The following RERE variants were observed in gnomAD, a reference collection of about 807,000 sequenced individuals.
The protein encoded by RERE is arginine-glutamic acid dipeptide repeats protein.
In RERE, 40 loss-of-function variants were observed where a neutral mutation model predicts 146.1. The observed-to-expected ratio is 0.27, with a 90% CI of 0.21 to 0.36. The LOEUF is 0.36. Among genes scored for constraint, RERE ranks in the 10% least tolerant of loss-of-function variants. The pLI, the probability that RERE is intolerant of heterozygous loss-of-function variation, is 1.00. For missense variants in RERE, 1,933 were observed against 2,138.7 expected, an observed-to-expected ratio of 0.90 and a Z score of 1.90; for synonymous variants, 1,003 against 866.0, an observed-to-expected ratio of 1.16 and a Z score of -2.78.
intron 12 of RERE, among the ~76,000 whole-genome samples, chr1:8,403,602 G>A (rs1463622300): frequency 6.6e-6 from 1 of 151,698 alleles, no homozygotes; most frequent in Non-Finnish European, 1.5e-5. Context: ...CTGACCTCAA[G>A]TGATCCTCTG....
intron 12 of RERE, among the ~76,000 whole-genome samples, chr1:8,404,387 C>T (rs1374637608): frequency 6.6e-6 from 1 of 151,954 alleles, no homozygotes; most frequent in Non-Finnish European, 1.5e-5. Flanking sequence ...CACTACACTC[C>T]TGCCTCGGCG....
chr1:8,642,300 A>C (rs1198768127), intron 2 of RERE, among the ~76,000 whole-genome samples: 1 of 152,170 alleles, frequency 6.6e-6, no homozygotes, highest in South Asian at 2.1e-4. Context: ...TGAAAAGACA[A>C]AGGCACAGAG....
intron 2 of RERE, among the ~76,000 whole-genome samples, chr1:8,637,207 A>G (rs1175054703): frequency 6.6e-6 from 1 of 152,164 alleles, no homozygotes; most frequent in South Asian, 2.1e-4. Flanking sequence ...AGCAGCAGAC[A>G]AAGTCACAAC....
chr1:8,708,078 C>T (rs1243026862), intron 1 of RERE, among the ~76,000 whole-genome samples: 1 of 152,064 alleles, frequency 6.6e-6, no homozygotes, highest in Non-Finnish European at 1.5e-5. Flanking sequence ...CCCACGGGGG[C>T]CTTGGAACAC....
chr1:8,445,965 G>A (rs936625392), intron 11 of RERE, among the ~76,000 whole-genome samples: 1 of 152,066 alleles, frequency 6.6e-6, no homozygotes, highest in Non-Finnish European at 1.5e-5. Context: ...AGTGTCGACG[G>A]TCTTTACAAT....
intron 4 of RERE, among the ~76,000 whole-genome samples, chr1:8,582,620 G>T (rs1018895231): frequency 2.0e-5 from 3 of 152,072 alleles, no homozygotes; most frequent in Non-Finnish European, 4.4e-5. Flanking sequence ...TACTGGGGAG[G>T]CTGAAGCAGG....
intron 1 of RERE, among the ~76,000 whole-genome samples, chr1:8,706,311 T>C (rs1370316974): frequency 2.2e-4 from 34 of 151,914 alleles, no homozygotes; most frequent in Admixed American, 2.2e-3. Context: ...ATAAAAAGTC[T>C]AGTAAAAAGG....
chr1:8,462,766 G>A (rs1460960528), intron 11 of RERE, among the ~76,000 whole-genome samples: 1 of 152,174 alleles, frequency 6.6e-6, no homozygotes, highest in Non-Finnish European at 1.5e-5. Flanking sequence ...AAGTAGCCAG[G>A]CATTGTGGCT....
chr1:8,500,915 G>A (rs1289171087), intron 8 of RERE, among the ~76,000 whole-genome samples: 1 of 151,344 alleles, frequency 6.6e-6, no homozygotes, highest in African/African-American at 2.4e-5. Flanking sequence ...TCTGAGAAGT[G>A]AGGAAACCCT....
chr1:8,452,523 CAAT>C (rs71580027), intron 11 of RERE, among the ~76,000 whole-genome samples: 19,818 of 152,000 alleles, frequency 0.13, 1,838 homozygotes, highest in Non-Finnish European at 0.19. Context: ...ACACAGAAAT[CAAT>C]AATGTTTTTT....
intron 7 of RERE, among the ~76,000 whole-genome samples, chr1:8,516,578 G>T (rs549130851): frequency 1.3e-5 from 2 of 152,114 alleles, no homozygotes; most frequent in Non-Finnish European, 2.9e-5. Flanking sequence ...GAGACGTTAC[G>T]CAGTTGCCCA....
rs778056015 is a variant in RERE at position 8,364,222 on chromosome 1, T to C, written c.1574A>G (p.Asn525Ser). Residue 525 changes from asparagine (N) to serine (S), a missense_variant, in exon 15 of 23, where the codon AAC (asparagine) becomes AGC (serine). Physicochemically the swap from Asn to Ser is conservative, Grantham distance 46. This residue lies in a region of RERE where 260 missense variants were observed against 378.4 expected (regional missense o/e 0.69). Transcript: ENST00000400908. The surrounding 1 kb of genome is among the most constrained non-coding windows in gnomAD (Gnocchi z 5.1). ...GCGACAGTCGGTGCAAAGCAGGATG[T>C]TCTCCCGGCCTCCGTGGTGCCAATC... ...SKDWHHGGRE[N>S]ILLCTDCRIH... The C allele has an allele frequency of 6.2e-7, 1 of 1,614,174 alleles. No individual in the cohort carries two copies. Among genetic ancestry groups the C allele is most frequent in the South Asian group, 1.1e-5 (1 of 91,074 alleles).
intron 4 of RERE, among the ~76,000 whole-genome samples, chr1:8,568,829 A>G (rs1557690628): frequency 6.6e-6 from 1 of 152,186 alleles, no homozygotes; most frequent in Non-Finnish European, 1.5e-5. Flanking sequence ...ATCCCCTCTC[A>G]TCTGTCTGTC....
chr1:8,813,792 T>G (rs1641860178), intron 1 of RERE, among the ~76,000 whole-genome samples: 1 of 152,044 alleles, frequency 6.6e-6, no homozygotes, highest in Non-Finnish European at 1.5e-5. Flanking sequence ...TTTTTGTATT[T>G]TTAGTAGAGA....
At chr1:8,362,617 A>G (rs1641628357) in intron 16 of RERE, 66 bp downstream of exon 16, 10 of 1,601,374 alleles carry the variant, frequency 6.2e-6, no homozygotes, top group Non-Finnish European at 7.7e-6. Flanking sequence ...GATCACGAAT[A>G]CCAGCAAACC....
chr1:8,388,853 G>A (rs879511663), intron 12 of RERE, among the ~76,000 whole-genome samples: 7 of 152,152 alleles, frequency 4.6e-5, no homozygotes, highest in African/African-American at 1.4e-4. Flanking sequence ...GCTAGGTAAG[G>A]GGTTTAATGA....
chr1:8,497,628 G>A, intron 8 of RERE, 99 bp from the exon 9 acceptor site: 3 of 1,338,918 alleles, frequency 2.2e-6, no homozygotes, highest in Non-Finnish European at 3.1e-6. Context: ...ATGTTTTACT[G>A]AGACTCTTTC....
chr1:8,386,445 A>G (rs1475771355), intron 12 of RERE, among the ~76,000 whole-genome samples: 1 of 151,378 alleles, frequency 6.6e-6, no homozygotes, highest in Non-Finnish European at 1.5e-5. Flanking sequence ...AGCCACACAA[A>G]TAAGGGTTTC....
intron 1 of RERE, among the ~76,000 whole-genome samples, chr1:8,800,147 TTTC>T (rs1641559518): frequency 1.3e-5 from 2 of 152,020 alleles, no homozygotes; most frequent in Admixed American, 6.6e-5. Flanking sequence ...GCCCAAGATA[TTTC>T]TTCTTCTCCC....
Sources: allele counts gnomAD v4.1 joint callset (sites outside exome capture counted in the v4.1 genomes callset), GRCh38; gene constraint gnomAD v4.1.1; regional missense constraint gnomAD v4.1.1; non-coding constraint Gnocchi (gnomAD v3.1); transcripts MANE v1.5; gene names NCBI Gene and HGNC (gene_info 2026-07-23, HGNC 2026-07-21).